Variants in LRP1B observed in about 807,000 individuals in gnomAD.
The protein encoded by LRP1B is low-density lipoprotein receptor-related protein 1B.
A neutral mutation model predicts 556.6 loss-of-function variants in LRP1B; 217 were observed. The ratio of observed to expected loss-of-function variants is 0.39; its 90% CI spans 0.35 to 0.44. The LOEUF is 0.44. Among genes scored for constraint, LRP1B ranks in the 20% least tolerant of loss-of-function variants. The probability of loss-of-function intolerance (pLI) is 1.00; values close to 1 mark genes in which losing one functional copy is unlikely to be tolerated. For missense variants in LRP1B, 5,053 were observed against 5,620.8 expected (o/e 0.90, Z 3.23); for synonymous variants, 2,047 against 1,865.8 (o/e 1.10, Z -2.50).
chr2:140,979,489 A>C (rs1038249028), intron 18 of LRP1B, among the ~76,000 whole-genome samples: 8 of 152,182 alleles, frequency 5.3e-5, no homozygotes, highest in Non-Finnish European at 1.2e-4. Flanking sequence ...AATAGTGGAA[A>C]TAATACATAC....
chr2:141,691,856 C>T (rs919919203), intron 2 of LRP1B, among the ~76,000 whole-genome samples: 42 of 152,106 alleles, frequency 2.8e-4, no homozygotes, highest in African/African-American at 9.9e-4. Flanking sequence ...TGTACCTCTC[C>T]ATGTGAACAT....
chr2:141,816,311 A>G (rs1261363754), intron 1 of LRP1B, among the ~76,000 whole-genome samples: 2 of 152,156 alleles, frequency 1.3e-5, no homozygotes, highest in African/African-American at 2.4e-5. Flanking sequence ...ACCCACCCTC[A>G]GTCTAGGTGG....
intron 1 of LRP1B, among the ~76,000 whole-genome samples, chr2:141,991,020 C>T (rs530709742): frequency 6.6e-6 from 1 of 152,012 alleles, no homozygotes; most frequent in African/African-American, 2.4e-5. Context: ...TCATTTTGCA[C>T]TTTTTCAGAG....
intron 11 of LRP1B, among the ~76,000 whole-genome samples, chr2:141,036,858 T>TA (rs556782435): frequency 0.015 from 2,285 of 150,418 alleles, 63 homozygotes; most frequent in African/African-American, 0.052. Context: ...ATATTGATAT[T>TA]AAAAAAAAAG....
At position 140,541,923 on chromosome 2, in the gene LRP1B, C is replaced by A. The variant is rs2105020948; in HGVS notation, c.7243G>T (p.Asp2415Tyr). 6.2e-7 allele frequency: 1 copy of A among 1,610,650 alleles called. No homozygotes were observed. Among genetic ancestry groups the A allele is most frequent in the Admixed American group, 1.7e-5 (1 of 59,808 alleles). Reference sequence around the variant, plus strand: ...CAGTCCGACCAGAATATATAATTGTCATAAACAGCCAAACTGAGGAAAGTC... The same window carrying A: ...CAGTCCGACCAGAATATATAATTGTAATAAACAGCCAAACTGAGGAAAGTC... ...PGTFLSLAVY[D>Y]NYIFWSDWGR... The change falls in exon 44 of 91, where the codon GAC (aspartate) becomes TAC (tyrosine). Residue 2415 changes from aspartate (D) to tyrosine (Y), a missense_variant. Transcript: ENST00000389484.
At chr2:140,270,783 G>A (rs1682423040) in intron 85 of LRP1B, among the ~76,000 whole-genome samples, 2 of 151,888 alleles carry the variant, frequency 1.3e-5, no homozygotes, top group African/African-American at 4.8e-5. Context: ...TGGAAAATCT[G>A]TTTCAAAGAA....
intron 15 of LRP1B, 96 bp downstream of exon 15, chr2:141,005,239 C>A: frequency 7.5e-7 from 1 of 1,341,748 alleles, no homozygotes; most frequent in Non-Finnish European, 1.0e-6. Context: ...CTGAATTTCT[C>A]TTTCCAAGTG....
chr2:141,955,740 G>A (rs888076661), intron 1 of LRP1B, among the ~76,000 whole-genome samples: 5 of 151,992 alleles, frequency 3.3e-5, no homozygotes, highest in East Asian at 3.9e-4. Flanking sequence ...ACTGTTGCCC[G>A]ACCTCTTTAC....
At chr2:141,065,487 A>T (rs1419524193) in intron 7 of LRP1B, among the ~76,000 whole-genome samples, 1 of 151,838 alleles carries the variant, frequency 6.6e-6, no homozygotes, top group Non-Finnish European at 1.5e-5. Context: ...AACTCCTTTA[A>T]TCTTGAGCAG....
At chr2:141,736,276 T>C (rs1693465949) in intron 2 of LRP1B, among the ~76,000 whole-genome samples, 1 of 152,152 alleles carries the variant, frequency 6.6e-6, no homozygotes, top group Admixed American at 6.6e-5. Flanking sequence ...GATGCTATCA[T>C]GGGTTGAACT....
chr2:140,482,889 C>T (rs147216285), intron 59 of LRP1B, among the ~76,000 whole-genome samples: 2 of 152,226 alleles, frequency 1.3e-5, no homozygotes, highest in Admixed American at 6.5e-5. Flanking sequence ...ATATGCAAGT[C>T]GCAGTGGCAA....
rs1559030942 is a variant in LRP1B, at chr2:141,364,315, ATGATT to A, written c.344-109679_344-109675del. Among the ~76,000 whole-genome samples, 665 of 151,508 alleles carry A rather than the reference ATGATT, an allele frequency of 4.4e-3. 7 individuals are homozygous for A. The highest frequency in any genetic ancestry group is 0.016 in the African/African-American group (645 of 41,238). On this transcript the variant is annotated intron_variant, in intron 3 of 90. Coordinates refer to ENST00000389484, the MANE Select transcript of LRP1B (RefSeq NM_018557.3). ...CACACGCAAACACACACACAGTTGA[ATGATT>A]AAATCACATACACAGTGGAATAATT...
chr2:141,212,753 A>C (rs1682621611), intron 6 of LRP1B, among the ~76,000 whole-genome samples: 1 of 152,154 alleles, frequency 6.6e-6, no homozygotes, highest in African/African-American at 2.4e-5. Flanking sequence ...AACTCTGAGG[A>C]AGGTCAAGTA....
chr2:141,244,567 G>C (rs1330954129), intron 5 of LRP1B, among the ~76,000 whole-genome samples: 1 of 152,144 alleles, frequency 6.6e-6, no homozygotes, highest in Admixed American at 6.6e-5. Flanking sequence ...TCTAGCACTT[G>C]TCAGATATAG....
intron 2 of LRP1B, among the ~76,000 whole-genome samples, chr2:141,698,463 A>T (rs1382812888): frequency 1.3e-5 from 2 of 150,148 alleles, no homozygotes; most frequent in Non-Finnish European, 3.0e-5. Flanking sequence ...TCTAAGTGAG[A>T]TCCAGACATT....
chr2:141,640,388 C>T (rs1350722438), intron 2 of LRP1B, among the ~76,000 whole-genome samples: 1 of 152,212 alleles, frequency 6.6e-6, no homozygotes, highest in African/African-American at 2.4e-5. Flanking sequence ...ATGCCCAAAT[C>T]TAATTTTCTT....
intron 3 of LRP1B, among the ~76,000 whole-genome samples, chr2:141,430,699 A>T (rs1165139329): frequency 6.6e-6 from 1 of 152,150 alleles, no homozygotes; most frequent in East Asian, 1.9e-4. Context: ...AGTCAGAAAA[A>T]ATAAAATATG....
In LRP1B at chr2:141,248,046, A is replaced by G. The variant is rs774327953; in HGVS notation, c.464-692T>C. Among the ~76,000 whole-genome samples, 96 of 152,066 alleles carry G rather than the reference A, an allele frequency of 6.3e-4. 1 individual carries two copies. Among genetic ancestry groups the G allele is most frequent in the Admixed American group, 7.9e-4 (12 of 15,272 alleles). On this transcript the variant is annotated intron_variant, in intron 4 of 90. Transcript: ENST00000389484. ...AACATGGTGAGACCCTGTCTCTACT[A>G]AAAATGCAAAAATTAGCCAGGCACA...
At chr2:141,937,476 C>T (rs1700669766) in intron 1 of LRP1B, among the ~76,000 whole-genome samples, 1 of 151,630 alleles carries the variant, frequency 6.6e-6, no homozygotes, top group Non-Finnish European at 1.5e-5. Flanking sequence ...AGAAACACTT[C>T]AAATGTATGG....
Sources: gnomAD v4.1 joint callset for allele counts (sites outside exome capture counted in the v4.1 genomes callset) on GRCh38, gnomAD v4.1.1 for gene constraint, MANE v1.5 for transcripts, NCBI Gene and HGNC (gene_info 2026-07-23, HGNC 2026-07-21) for gene names.